Variants in EVI5 observed in about 807,000 individuals in gnomAD.
EVI5 encodes the protein ecotropic viral integration site 5 protein homolog.
A neutral mutation model predicts 112.0 loss-of-function variants in EVI5; 73 were observed. That is an observed-to-expected ratio of 0.65 (90% confidence interval 0.54 to 0.79). EVI5 has a LOEUF of 0.79. EVI5 is among the 30% of genes least tolerant of loss of function. EVI5 has a pLI of 0.00. For missense variants in EVI5, 900 were observed against 968.8 expected (o/e 0.93, Z 0.94); for synonymous variants, 305 against 319.9 (o/e 0.95, Z 0.50).
chr1:92,543,986 A>C (rs1665264662), intron 19 of EVI5, among the ~76,000 whole-genome samples: 1 of 152,252 alleles, frequency 6.6e-6, no homozygotes, highest in Non-Finnish European at 1.5e-5. Context: ...GAACATTATT[A>C]GGTGACAAAA....
chr1:92,531,768 T>C (rs1381018706), intron 19 of EVI5, among the ~76,000 whole-genome samples: 1 of 152,204 alleles, frequency 6.6e-6, no homozygotes, highest in Non-Finnish European at 1.5e-5. Context: ...AGGCCTGCCT[T>C]ACAAGAGCTC....
At chr1:92,597,423 T>C (rs766668929) in intron 18 of EVI5, among the ~76,000 whole-genome samples, 8 of 152,168 alleles carry the variant, frequency 5.3e-5, no homozygotes, top group Non-Finnish European at 1.2e-4. Flanking sequence ...ACAATAAATA[T>C]ACATTAATTT....
intron 19 of EVI5, among the ~76,000 whole-genome samples, chr1:92,550,376 T>C (rs1248900931): frequency 2.8e-5 from 4 of 144,762 alleles, no homozygotes; most frequent in Non-Finnish European, 6.1e-5. Context: ...GGGATAGCAT[T>C]AGGAGATATA....
At chr1:92,771,696 T>A (rs944680785) in intron 1 of EVI5, among the ~76,000 whole-genome samples, 6 of 150,932 alleles carry the variant, frequency 4.0e-5, no homozygotes, top group Non-Finnish European at 7.4e-5. Context: ...AATCTCCACC[T>A]CCCAAGGTTC....
intron 16 of EVI5, chr1:92,622,212 T>C (rs1654750253): frequency 3.1e-6 from 1 of 321,570 alleles, no homozygotes; most frequent in South Asian, 2.6e-5. Flanking sequence ...CTATGTGATC[T>C]ACAGCACAAA....
At chr1:92,755,735 C>T (rs1176414879) in intron 1 of EVI5, 1 of 152,158 alleles carries the variant, frequency 6.6e-6, no homozygotes, top group African/African-American at 2.4e-5. Context: ...GGGCCGACGC[C>T]AAGGGGACTG....
chr1:92,763,785 G>A (rs1053649599), intron 1 of EVI5, among the ~76,000 whole-genome samples: 1 of 152,022 alleles, frequency 6.6e-6, no homozygotes, highest in African/African-American at 2.4e-5. Flanking sequence ...GTGACAGAGG[G>A]AGTCTCTTAA....
intron 9 of EVI5, among the ~76,000 whole-genome samples, chr1:92,690,729 T>A (rs1669361628): frequency 6.6e-6 from 1 of 152,152 alleles, no homozygotes; most frequent in Non-Finnish European, 1.5e-5. Context: ...TGCCAAAGTA[T>A]CAACTTACAA....
At chr1:92,640,701 C>T (rs1659786075) in intron 13 of EVI5, among the ~76,000 whole-genome samples, 1 of 152,132 alleles carries the variant, frequency 6.6e-6, no homozygotes, top group African/African-American at 2.4e-5. Flanking sequence ...ACCAGAAATA[C>T]CATTTGACCC....
intron 13 of EVI5, chr1:92,647,477 T>A (rs1032624753): frequency 6.5e-6 from 3 of 459,428 alleles, no homozygotes; most frequent in African/African-American, 3.9e-5. Context: ...CATTTAGGAT[T>A]CTCTTTGCCA....
chr1:92,583,668 T>C (rs1421949995), intron 18 of EVI5, among the ~76,000 whole-genome samples: 1 of 151,552 alleles, frequency 6.6e-6, no homozygotes. Context: ...TTTTCTAGTA[T>C]TGTACTGGCC....
intron 13 of EVI5, among the ~76,000 whole-genome samples, chr1:92,652,663 A>G (rs558581141): frequency 1.3e-5 from 2 of 152,360 alleles, no homozygotes; most frequent in Non-Finnish European, 1.5e-5. Flanking sequence ...AGACAAACGG[A>G]TAAGGGAAAT....
At chr1:92,700,037 A>C (rs937181527) in intron 5 of EVI5, among the ~76,000 whole-genome samples, 5 of 152,228 alleles carry the variant, frequency 3.3e-5, no homozygotes. Flanking sequence ...AGACAGAAAA[A>C]GTATCACTAG....
intron 10 of EVI5, among the ~76,000 whole-genome samples, chr1:92,666,786 A>G (rs1664981969): frequency 6.6e-6 from 1 of 152,234 alleles, no homozygotes; most frequent in Non-Finnish European, 1.5e-5. Context: ...TCTACAGTAC[A>G]TATAGAAATA....
intron 9 of EVI5, among the ~76,000 whole-genome samples, chr1:92,678,562 G>T (rs1667110880): frequency 6.6e-6 from 1 of 152,034 alleles, no homozygotes; most frequent in Non-Finnish European, 1.5e-5. Flanking sequence ...AAAGAAAAAA[G>T]ATGTCCTGAA....
At chr1:92,561,608 C>CCTATCTATCTATCTAT (rs80355191) in intron 19 of EVI5, among the ~76,000 whole-genome samples, 36 of 132,246 alleles carry the variant, frequency 2.7e-4, no homozygotes, top group East Asian at 1.6e-3. Context: ...TCTAATCTAT[C>CCTATCTATCTATCTAT]CTATCTATCT....
chr1:92,695,538 C>A, intron 6 of EVI5, 85 bp from the exon 7 acceptor site: 2 of 826,036 alleles, frequency 2.4e-6, no homozygotes, highest in Non-Finnish European at 3.6e-6. Context: ...TAGCCTATAC[C>A]AAACACAGAT....
rs1206623243 is a variant in EVI5 at position 92,607,844 on chromosome 1, T to C, written c.1828-117A>G. ...AAAAATGTTACTAGTTATAGGTCAC[T>C]GTTATTCAACAAAATCAACATTAAA... On this transcript the variant is annotated intron_variant, in intron 16 of 19. Coordinates refer to ENST00000684568, the MANE Select transcript of EVI5 (RefSeq NM_001350197.2). 5 of 626,958 alleles carry C rather than the reference T, an allele frequency of 8.0e-6. No homozygotes were observed. In the East Asian group the frequency reaches 1.3e-4, roughly 17 times the overall value. 38.8% of individuals were successfully genotyped at this position (626,958 alleles called of 1,614,324 possible).
In EVI5 at chr1:92,698,095, T is replaced by C. The variant is rs961075084; in HGVS notation, c.640-110A>G. The C allele has an allele frequency of 1.1e-5, 10 of 950,096 alleles. No homozygotes were observed. The Admixed American group carries it at 2.1e-4, about 20-fold the overall frequency. 58.9% of individuals were successfully genotyped at this position (950,096 alleles called of 1,614,324 possible). A position where few individuals can be genotyped will look rare whatever the true frequency, so the allele number is the denominator to read the frequency against. On this transcript the variant is annotated intron_variant, in intron 5 of 19. Transcript: ENST00000684568. Reference sequence around the variant, plus strand: ...CAACCACAAACATTGTTTGAGTGGCTGTGTGCTGCAATGTTAAGAGCAATG... The same window carrying C: ...CAACCACAAACATTGTTTGAGTGGCCGTGTGCTGCAATGTTAAGAGCAATG...
Sources: allele counts gnomAD v4.1 joint callset (sites outside exome capture counted in the v4.1 genomes callset), GRCh38; gene constraint gnomAD v4.1.1; transcripts MANE v1.5; gene names NCBI Gene and HGNC (gene_info 2026-07-23, HGNC 2026-07-21).